Variants in OR51B5 observed in about 807,000 individuals in gnomAD.
OR51B5 encodes the protein olfactory receptor 51B5.
For missense variants in OR51B5, 456 were observed against 374.6 expected (o/e 1.22, Z -1.79); for synonymous variants, 186 against 144.8 (o/e 1.28, Z -2.04).
intron 1 of OR51B5, among the ~76,000 whole-genome samples, chr11:5,402,023 CTTCCT>C (rs1004772780): frequency 1.3e-4 from 20 of 148,796 alleles, no homozygotes; most frequent in Admixed American, 6.8e-4. Context: ...TTTCTTTTCT[CTTCCT>C]TTTTCTTTTG....
At chr11:5,421,146 G>T (rs61894107) in intron 1 of OR51B5, among the ~76,000 whole-genome samples, 1 of 152,222 alleles carries the variant, frequency 6.6e-6, no homozygotes, top group Non-Finnish European at 1.5e-5. Context: ...GGGCAGCAAA[G>T]GCTGTCACCA....
At chr11:5,363,353 G>GTTTTTT (rs112565550) in intron 1 of OR51B5, among the ~76,000 whole-genome samples, 2 of 110,674 alleles carry the variant, frequency 1.8e-5, no homozygotes, top group Non-Finnish European at 1.9e-5. Context: ...GTTTTTTTTG[G>GTTTTTT]TTTTTGTTTT....
rs201396079 is a variant in OR51B5, at chr11:5,416,646, G to A, written n.85-69736C>T. 0.038 allele frequency among the ~76,000 whole-genome samples: 5,501 copies of A among 146,186 alleles called. 455 individuals carry two copies. The East Asian group carries it at 0.39, about 10-fold the overall frequency. On this transcript the variant is annotated intron_variant and non_coding_transcript_variant, in intron 1 of 4. Transcript: ENST00000415970. ...TATACACCAATAATAGACAAACAGA[G>A]AGCCAAATCATGAGTGAACTCCCAT...
intron 1 of OR51B5, among the ~76,000 whole-genome samples, chr11:5,458,586 G>A (rs914809721): frequency 9.2e-5 from 14 of 152,090 alleles, no homozygotes; most frequent in African/African-American, 3.4e-4. Flanking sequence ...TCCTATCCAC[G>A]GGCATGAAAT....
chr11:5,342,912 A>T, exon 1 of OR51B5: 1 of 1,613,976 alleles, frequency 6.2e-7, no homozygotes, highest in Non-Finnish European at 8.5e-7. Context: ...TCCAGCACAA[A>T]TATAAAGACT....
intron 1 of OR51B5, among the ~76,000 whole-genome samples, chr11:5,478,403 G>C (rs1254965837): frequency 6.6e-6 from 1 of 151,324 alleles, no homozygotes; most frequent in South Asian, 2.1e-4. Context: ...AAACCACAAA[G>C]ATGGGGAAAA....
chr11:5,447,982 C>G (rs1850793135), intron 1 of OR51B5, among the ~76,000 whole-genome samples: 1 of 152,138 alleles, frequency 6.6e-6, no homozygotes, highest in African/African-American at 2.4e-5. Flanking sequence ...TAAACAGTGA[C>G]CACTCCTCAA....
intron 1 of OR51B5, among the ~76,000 whole-genome samples, chr11:5,483,693 A>T (rs921425345): frequency 1.3e-5 from 2 of 151,858 alleles, no homozygotes; most frequent in East Asian, 1.9e-4. Context: ...TTTTTTTCTC[A>T]ATTATCAACT....
intron 1 of OR51B5, among the ~76,000 whole-genome samples, chr11:5,473,903 A>G (rs1326995216): frequency 6.6e-6 from 1 of 151,742 alleles, no homozygotes; most frequent in Admixed American, 6.6e-5. Flanking sequence ...GAGAATGGGG[A>G]GAGAGTGTGC....
chr11:5,379,350 A>G (rs531540138), intron 1 of OR51B5, among the ~76,000 whole-genome samples: 1 of 152,202 alleles, frequency 6.6e-6, no homozygotes, highest in East Asian at 1.9e-4. Context: ...TAGGAGATAT[A>G]CCTAATGCTA....
Position 5,380,038 on chromosome 11 carries a change from T to TA in OR51B5, n.85-33129_85-33128insT, listed in dbSNP as rs1849587344. ...GACTCAGGTACTCTGTTATAGCAAA[T>TA]CAAAATATGCAAAATACACTAAAAC... On this transcript the variant is annotated intron_variant and non_coding_transcript_variant, in intron 1 of 4. Transcript: ENST00000415970. 3.3e-5 allele frequency among the ~76,000 whole-genome samples: 5 copies of TA among 150,930 alleles called. No individual in the cohort carries two copies. In the South Asian group the frequency reaches 1.0e-3, roughly 32 times the overall value.
At chr11:5,480,408 A>G (rs1393807259) in intron 1 of OR51B5, among the ~76,000 whole-genome samples, 1 of 152,046 alleles carries the variant, frequency 6.6e-6, no homozygotes, top group African/African-American at 2.4e-5. Context: ...GAAAGCAGGA[A>G]AGATCCAAAA....
chr11:5,432,936 C>T (rs1850552027), intron 1 of OR51B5, among the ~76,000 whole-genome samples: 1 of 152,092 alleles, frequency 6.6e-6, no homozygotes, highest in Admixed American at 6.6e-5. Context: ...AAGGGAAGAA[C>T]CCCTAGTAAA....
chr11:5,493,785 T>A (rs1851610912), intron 1 of OR51B5, among the ~76,000 whole-genome samples: 1 of 152,190 alleles, frequency 6.6e-6, no homozygotes, highest in African/African-American at 2.4e-5. Flanking sequence ...TTAACTTTTC[T>A]GATTCTAGAA....
intron 1 of OR51B5, among the ~76,000 whole-genome samples, chr11:5,466,245 A>G (rs551930963): frequency 1.3e-5 from 2 of 152,178 alleles, no homozygotes; most frequent in Non-Finnish European, 2.9e-5. Flanking sequence ...GGCTTTTTTC[A>G]TAAGTCTGTT....
chr11:5,472,031 T>G (rs1226060936), intron 1 of OR51B5, among the ~76,000 whole-genome samples: 1 of 152,164 alleles, frequency 6.6e-6, no homozygotes, highest in Non-Finnish European at 1.5e-5. Flanking sequence ...CTTCTTTTGT[T>G]TCACCATTTT....
intron 1 of OR51B5, among the ~76,000 whole-genome samples, chr11:5,361,373 T>G (rs951991627): frequency 1.3e-5 from 2 of 152,170 alleles, no homozygotes; most frequent in Admixed American, 1.3e-4. Flanking sequence ...GAGGAGTTTC[T>G]GAAACTAATT....
intron 1 of OR51B5, chr11:5,505,309 A>G (rs779378653): frequency 1.4e-5 from 18 of 1,301,780 alleles, no homozygotes; most frequent in South Asian, 6.2e-5. Flanking sequence ...TTGGGGTTCA[A>G]TGTATATCTT....
At position 5,416,865 on chromosome 11, in the gene OR51B5, C is replaced by T. The variant is rs920750688; in HGVS notation, n.85-69955G>A. Among the ~76,000 whole-genome samples the T allele has an allele frequency of 4.3e-4, 65 of 152,022 alleles. 2 individuals are homozygous for T. In the South Asian group the frequency reaches 0.013, roughly 29 times the overall value. On this transcript the variant is annotated intron_variant and non_coding_transcript_variant, in intron 1 of 4. Coordinates refer to the OR51B5 transcript ENST00000415970. ...TGGCCATACTGCCCAAGGTAATTTA[C>T]AGATTCAATGCCATCCCCATCAAGC...
Sources: allele counts gnomAD v4.1 joint callset (sites outside exome capture counted in the v4.1 genomes callset), GRCh38; gene constraint gnomAD v4.1.1; transcripts MANE v1.5; gene names NCBI Gene and HGNC (gene_info 2026-07-23, HGNC 2026-07-21).